Variants in GBX1 observed in about 807,000 individuals in gnomAD.
The protein encoded by GBX1 is homeobox protein GBX-1.
Under a neutral mutation model 22.9 loss-of-function variants are expected in GBX1, and 9 were observed. The observed-to-expected ratio is 0.39, with a 90% confidence interval of 0.24 to 0.69. The LOEUF (loss-of-function observed/expected upper bound fraction) is 0.69, where lower values mean the gene tolerates loss of function less well. GBX1 is among the 30% of genes least tolerant of loss of function. GBX1 has a pLI of 0.43. For missense variants in GBX1, 494 were observed against 509.2 expected, an observed-to-expected ratio of 0.97 and a Z score of 0.29; for synonymous variants, 203 against 227.3, an observed-to-expected ratio of 0.89 and a Z score of 0.96.
intron 1 of GBX1, among the ~76,000 whole-genome samples, chr7:151,152,502 G>A (rs1287651903): frequency 6.6e-6 from 1 of 152,158 alleles, no homozygotes; most frequent in Non-Finnish European, 1.5e-5. Context: ...ATAGTTTGTA[G>A]TAAATAATAA....
At chr7:151,153,947 T>A (rs1229598503) in intron 1 of GBX1, among the ~76,000 whole-genome samples, 1 of 152,176 alleles carries the variant, frequency 6.6e-6, no homozygotes, top group Non-Finnish European at 1.5e-5. Flanking sequence ...TTCATAAAAG[T>A]AAATTTCTGG....
In GBX1 at chr7:151,152,153, T is replaced by TAG. The variant is rs1801087294; in HGVS notation, c.539-3013_539-3012dup. Among the ~76,000 whole-genome samples the TAG allele has an allele frequency of 3.3e-5, 5 of 152,296 alleles. No individual in the cohort carries two copies. The South Asian group carries it at 1.0e-3, about 32-fold the overall frequency. On this transcript the variant is annotated intron_variant, in intron 1 of 1. Transcript: ENST00000297537. ...AAATGACCTGACACTCAATACAGAG[T>TAG]AGACACTCAATAAGCATCTGTTGAC...
intron 1 of GBX1, among the ~76,000 whole-genome samples, chr7:151,157,139 T>C (rs1801144623): frequency 6.6e-6 from 1 of 151,134 alleles, no homozygotes. Flanking sequence ...CTACTAAAAA[T>C]ACAAAAATTA....
intron 1 of GBX1, among the ~76,000 whole-genome samples, chr7:151,166,482 C>CA (rs1801251917): frequency 1.6e-5 from 2 of 124,984 alleles, no homozygotes; most frequent in African/African-American, 7.3e-5. Context: ...CAACCCCCCC[C>CA]CCCCAACACA....
Position 151,148,928 on chromosome 7 carries a change from T to TGG in GBX1, c.752_753insCC (p.Ala252GlnfsTer36). 1 of 1,614,176 alleles carries TGG rather than the reference T, an allele frequency of 6.2e-7. No homozygotes were observed. Among genetic ancestry groups the TGG allele is most frequent in the Non-Finnish European group, 8.5e-7 (1 of 1,180,026 alleles). On this transcript the variant is annotated frameshift_variant, in exon 2 of 2. Coordinates refer to ENST00000297537, the MANE Select transcript of GBX1 (RefSeq NM_001098834.3). LOFTEE classifies it high-confidence loss of function. The surrounding 1 kb of genome is among the most constrained non-coding windows in gnomAD (Gnocchi z 5.1). ...TCCCCCCAGGAGCTGTGACCCCTGCTGTCACCGGTGCCCCCTCCTCAGCTC... is the reference window on the plus strand; with the variant it reads ...TCCCCCCAGGAGCTGTGACCCCTGCTGGGTCACCGGTGCCCCCTCCTCAGCTC...
chr7:151,152,530 G>T (rs1185860065), intron 1 of GBX1, among the ~76,000 whole-genome samples: 1 of 152,020 alleles, frequency 6.6e-6, no homozygotes, highest in Non-Finnish European at 1.5e-5. Flanking sequence ...AATAACAAAG[G>T]CTTGTACAAA....
At chr7:151,150,584 TCTC>T (rs1801065707) in intron 1 of GBX1, among the ~76,000 whole-genome samples, 2 of 152,090 alleles carry the variant, frequency 1.3e-5, no homozygotes, top group African/African-American at 2.4e-5. Flanking sequence ...AGATAGAACA[TCTC>T]CTGGCAGTCA....
intron 1 of GBX1, among the ~76,000 whole-genome samples, chr7:151,164,771 TC>T (rs1384366012): frequency 1.8e-5 from 2 of 111,816 alleles, no homozygotes; most frequent in South Asian, 3.3e-4. Flanking sequence ...AACACAAATT[TC>T]CCTCTTTTTT....
Position 151,148,556 on chromosome 7 carries a change from A to T in GBX1, c.*33T>A, listed in dbSNP as rs976228204. On this transcript the variant is annotated 3_prime_UTR_variant, in exon 2 of 2. Coordinates refer to ENST00000297537, the MANE Select transcript of GBX1 (RefSeq NM_001098834.3). The surrounding 1 kb of genome is among the most constrained non-coding windows in gnomAD (Gnocchi z 5.1). ...AGTCTCAGAGCAGGCTCAGGTACAG[A>T]TCCCTCGCCTTCCTAAGTTCTTGGG... 3.1e-6 allele frequency: 5 copies of T among 1,593,518 alleles called. No homozygotes were observed. Among genetic ancestry groups the T allele is most frequent in the Non-Finnish European group, 4.3e-6 (5 of 1,166,666 alleles).
At chr7:151,155,854 C>A (rs1801127730) in intron 1 of GBX1, among the ~76,000 whole-genome samples, 2 of 152,090 alleles carry the variant, frequency 1.3e-5, no homozygotes, top group Admixed American at 1.3e-4. Context: ...ACCTTATTTT[C>A]TGGTGAAAAA....
chr7:151,148,660 T>G lies in GBX1; in HGVS notation c.1021A>C (p.Ile341Leu), dbSNP rs762023838. ...PVRNPKIVVPIPVHVNRFAVR... is the reference protein window; with the variant it reads ...PVRNPKIVVPLPVHVNRFAVR... ...GCAAACCTGTTGACATGCACAGGTATGGGGACAACAATCTTGGGGTTTCTT... is the reference window on the plus strand; with the variant it reads ...GCAAACCTGTTGACATGCACAGGTAGGGGGACAACAATCTTGGGGTTTCTT... Residue 341 changes from isoleucine (I) to leucine (L), a missense_variant, in exon 2 of 2, where the codon ATA (isoleucine) becomes CTA (leucine). By Grantham distance (5) the Ile-to-Leu change is conservative. Coordinates refer to ENST00000297537, the MANE Select transcript of GBX1 (RefSeq NM_001098834.3). This position sits in a 1 kb window ranked among gnomAD's most constrained non-coding sequence, Gnocchi z 5.1. 6.2e-7 allele frequency: 1 copy of G among 1,614,124 alleles called. No homozygotes were observed. Among genetic ancestry groups the G allele is most frequent in the Non-Finnish European group, 8.5e-7 (1 of 1,180,030 alleles).
chr7:151,165,673 G>A (rs1375355032), intron 1 of GBX1, among the ~76,000 whole-genome samples: 1 of 152,082 alleles, frequency 6.6e-6, no homozygotes, highest in East Asian at 1.9e-4. Context: ...CAGTTACTGG[G>A]TCTTCCTGAT....
chr7:151,161,344 G>A (rs1215781689), intron 1 of GBX1, among the ~76,000 whole-genome samples: 1 of 151,906 alleles, frequency 6.6e-6, no homozygotes, highest in East Asian at 1.9e-4. Flanking sequence ...CTTTCTCTCT[G>A]CCAACCCCTG....
In GBX1 at chr7:151,167,671, C is replaced by T. The variant is rs1025544744; in HGVS notation, c.-123G>A. On this transcript the variant is annotated 5_prime_UTR_variant, in exon 1 of 2. Transcript: ENST00000297537. This position sits in a 1 kb window ranked among gnomAD's most constrained non-coding sequence, Gnocchi z 5.9. ...CCTGGCTCCCGGGCCGAGGTGGCGG[C>T]GGGGCGCGGGCTCGGCGCAGTGTGG... 34 of 1,010,264 alleles carry T rather than the reference C, an allele frequency of 3.4e-5. No homozygotes were observed. Among genetic ancestry groups the T allele is most frequent in the Admixed American group, 1.0e-4 (2 of 19,502 alleles). The allele number at this position is 1,010,264 out of a possible 1,614,324, so 62.6% of individuals were successfully genotyped here. A position where few individuals can be genotyped will look rare whatever the true frequency, so the allele number is the denominator to read the frequency against.
intron 1 of GBX1, 36 bp from the exon 2 acceptor site, chr7:151,149,178 GA>G: frequency 6.4e-7 from 1 of 1,564,934 alleles, no homozygotes; most frequent in Non-Finnish European, 8.6e-7. Flanking sequence ...TGGGGAGGGA[GA>G]AGCAAGAAAA....
chr7:151,158,220 C>T (rs1455897246), intron 1 of GBX1, among the ~76,000 whole-genome samples: 2 of 152,178 alleles, frequency 1.3e-5, no homozygotes, highest in Non-Finnish European at 2.9e-5. Flanking sequence ...ACCTCTCCAC[C>T]TCACTCCCAC....
At position 151,149,042 on chromosome 7, in the gene GBX1, G is replaced by T. The variant is rs570026897; in HGVS notation, c.639C>A (p.Ser213Arg). 5.0e-6 allele frequency: 8 copies of T among 1,613,874 alleles called. No individual in the cohort carries two copies. Among genetic ancestry groups the T allele is most frequent in the Non-Finnish European group, 4.2e-6 (5 of 1,180,012 alleles). ...EQEEEGSGGD[S>R]EDDGFLDSSA... ...AACTGTCCAGGAAACCGTCATCCTC[G>T]CTGTCACCGCCTGAGCCCTCTTCCT... Residue 213 changes from serine to arginine, a missense_variant, in exon 2 of 2, where the codon AGC becomes AGA. Transcript: ENST00000297537.
chr7:151,151,543 A>G (rs748305625), intron 1 of GBX1, among the ~76,000 whole-genome samples: 7 of 152,106 alleles, frequency 4.6e-5, no homozygotes, highest in Non-Finnish European at 7.4e-5. Context: ...TCATTCCCCC[A>G]AACCAGCTCT....
intron 1 of GBX1, among the ~76,000 whole-genome samples, chr7:151,150,275 C>T (rs1801062274): frequency 6.6e-6 from 1 of 152,164 alleles, no homozygotes; most frequent in South Asian, 2.1e-4. Flanking sequence ...TTTACAAACT[C>T]CGTTTTCTAC....
Sources: allele counts gnomAD v4.1 joint callset (sites outside exome capture counted in the v4.1 genomes callset), GRCh38; gene constraint gnomAD v4.1.1; non-coding constraint Gnocchi (gnomAD v3.1); transcripts MANE v1.5; gene names NCBI Gene and HGNC (gene_info 2026-07-23, HGNC 2026-07-21).